Variants in RNF157 observed in about 807,000 individuals in gnomAD.
RNF157 encodes E3 ubiquitin ligase RNF157.
Under a neutral mutation model 88.3 loss-of-function variants are expected in RNF157, and 55 were observed. The observed-to-expected ratio is 0.62, with a 90% CI of 0.50 to 0.78. The LOEUF (loss-of-function observed/expected upper bound fraction) is 0.78. Ranked by LOEUF, RNF157 falls within the 30% of genes least tolerant of loss-of-function variation. The pLI, the probability that RNF157 is intolerant of heterozygous loss-of-function variation, is 0.00. For missense variants in RNF157, 788 were observed against 860.8 expected (o/e 0.92, Z 1.06); for synonymous variants, 334 against 341.2 (o/e 0.98, Z 0.23).
At chr17:76,179,267 A>G (rs1054425710) in intron 2 of RNF157, among the ~76,000 whole-genome samples, 1 of 151,856 alleles carries the variant, frequency 6.6e-6, no homozygotes, top group Non-Finnish European at 1.5e-5. Flanking sequence ...GGTGGCACAC[A>G]CCTGTAGTCC....
intron 1 of RNF157, among the ~76,000 whole-genome samples, chr17:76,224,941 G>A (rs965545339): frequency 1.3e-5 from 2 of 152,126 alleles, no homozygotes; most frequent in Admixed American, 6.6e-5. Context: ...GGAGGCCAAG[G>A]TGGGCAGATC....
Position 76,166,392 on chromosome 17 carries a change from C to G in RNF157, c.628+69G>C, listed in dbSNP as rs552508367. On this transcript the variant is annotated intron_variant, in intron 6 of 18. Coordinates refer to ENST00000269391, the MANE Select transcript of RNF157 (RefSeq NM_052916.3). Reference sequence around the variant, plus strand: ...AAGAAGGCATGTTGTTCTGGGGCCACAGCTGCTGCCAGGAATATGCCACAA... The same window carrying G: ...AAGAAGGCATGTTGTTCTGGGGCCAGAGCTGCTGCCAGGAATATGCCACAA... 4.6e-6 allele frequency: 6 copies of G among 1,315,886 alleles called. No individual in the cohort carries two copies. The East Asian group carries it at 9.2e-5, about 20-fold the overall frequency. 81.5% of individuals were successfully genotyped at this position (1,315,886 alleles called of 1,614,324 possible).
At chr17:76,159,906 A>G (rs2068822747) in intron 11 of RNF157, among the ~76,000 whole-genome samples, 1 of 151,764 alleles carries the variant, frequency 6.6e-6, no homozygotes, top group Non-Finnish European at 1.5e-5. Context: ...TCTTCTTCCC[A>G]TTTTTTTTCT....
In RNF157 at chr17:76,160,494, T is replaced by C. The variant is rs1027045406; in HGVS notation, c.1066-921A>G. ...AAGAAAAGTTTTTAAAATTTGAAAG[T>C]TGGAAAATGGTATTCTCATATTTGC... On this transcript the variant is annotated intron_variant, in intron 11 of 18. Coordinates refer to ENST00000269391, the MANE Select transcript of RNF157 (RefSeq NM_052916.3). This position sits in a 1 kb window ranked among gnomAD's most constrained non-coding sequence, Gnocchi z 4.3. Among the ~76,000 whole-genome samples the C allele has an allele frequency of 2.0e-5, 3 of 152,172 alleles. No individual in the cohort carries two copies. Among genetic ancestry groups the C allele is most frequent in the Non-Finnish European group, 2.9e-5 (2 of 68,026 alleles).
intron 1 of RNF157, among the ~76,000 whole-genome samples, chr17:76,223,083 G>A (rs2070015540): frequency 6.6e-6 from 1 of 151,928 alleles, no homozygotes; most frequent in Non-Finnish European, 1.5e-5. Flanking sequence ...GTAGAGACGG[G>A]GTTTCACCGT....
In RNF157 at chr17:76,238,085, CAAA is replaced by C. The variant is rs555165221; in HGVS notation, c.88+2065_88+2067del. On this transcript the variant is annotated intron_variant, in intron 1 of 18. Transcript: ENST00000269391. ...GGCGTGACAGAGAGAGACGATGACTCAAAAAAAAAAAAAAAAAATTAAACATTA... is the reference window on the plus strand; with the variant it reads ...GGCGTGACAGAGAGAGACGATGACTCAAAAAAAAAAAAAAATTAAACATTA... 1.1e-4 allele frequency among the ~76,000 whole-genome samples: 10 copies of C among 93,708 alleles called. No homozygotes were observed. The East Asian group carries it at 1.5e-3, about 14-fold the overall frequency. The allele number at this position is 93,708 out of a possible 152,430, so 61.5% of individuals were successfully genotyped here.
In RNF157 at chr17:76,173,793, G is replaced by GT; in HGVS notation, c.208-4dup. 4 of 1,605,878 alleles carry GT rather than the reference G, an allele frequency of 2.5e-6. No homozygotes were observed. Among genetic ancestry groups the GT allele is most frequent in the Non-Finnish European group, 3.4e-6 (4 of 1,175,104 alleles). ...GGAGGTGGGGCGGCGTAAGGAAACTGTGTCAGAAACAAAGCAGGAGAAGGT... is the reference window on the plus strand; with the variant it reads ...GGAGGTGGGGCGGCGTAAGGAAACTGTTGTCAGAAACAAAGCAGGAGAAGGT... On this transcript the variant is annotated splice_region_variant and splice_polypyrimidine_tract_variant and intron_variant, in intron 2 of 18. Transcript: ENST00000269391.
At chr17:76,156,383 A>T in intron 13 of RNF157, 62 bp from the exon 14 acceptor site, 1 of 1,609,676 alleles carries the variant, frequency 6.2e-7, no homozygotes, top group Non-Finnish European at 8.5e-7. Context: ...GTGCTGGAGG[A>T]AGGGGTCAGG....
rs961111110 is a variant in RNF157 at position 76,161,738 on chromosome 17, C to A, written c.953-91G>T. On this transcript the variant is annotated intron_variant, in intron 10 of 18. Coordinates refer to ENST00000269391, the MANE Select transcript of RNF157 (RefSeq NM_052916.3). The surrounding 1 kb of genome is among the most constrained non-coding windows in gnomAD (Gnocchi z 4.6). ...ACAGAAACCATGATCCCTCCCAGCG[C>A]GCATCCGTTTGTCAGATCCAGCAGC... 3.2e-5 allele frequency: 48 copies of A among 1,522,770 alleles called. No homozygotes were observed. Among genetic ancestry groups the A allele is most frequent in the Admixed American group, 1.9e-4 (11 of 56,766 alleles). 94.3% of individuals were successfully genotyped at this position (1,522,770 alleles called of 1,614,324 possible).
At chr17:76,194,189 C>A (rs2069434322) in intron 2 of RNF157, among the ~76,000 whole-genome samples, 1 of 152,134 alleles carries the variant, frequency 6.6e-6, no homozygotes, top group African/African-American at 2.4e-5. Flanking sequence ...AGAACATTTC[C>A]ATTACCCCCA....
rs762488130 is a variant in RNF157, at chr17:76,145,241, A to C, written c.2034T>G (p.Ala678=). ...CAAGTGCAGAGGCTGGGGCTCAGACAGCCAAAGGGCCCCACACACAGGGCC... is the reference window on the plus strand; with the variant it reads ...CAAGTGCAGAGGCTGGGGCTCAGACCGCCAAAGGGCCCCACACACAGGGCC... ...ETRPCVWGPL[A]V is the part of the protein sequence containing the mutation. Residue 678 remains alanine (A), a synonymous_variant, in exon 19 of 19, where the codon GCT becomes GCG. Transcript: ENST00000269391. The C allele has an allele frequency of 2.5e-6, 4 of 1,601,990 alleles. No individual in the cohort carries two copies. The highest frequency in any genetic ancestry group is 3.4e-6 in the Non-Finnish European group (4 of 1,173,264).
At chr17:76,213,443 G>A (rs2069835984) in intron 1 of RNF157, among the ~76,000 whole-genome samples, 1 of 151,850 alleles carries the variant, frequency 6.6e-6, no homozygotes, top group East Asian at 1.9e-4. Context: ...GGTGGCATGC[G>A]CCTGAAGTCC....
intron 18 of RNF157, among the ~76,000 whole-genome samples, chr17:76,150,327 A>C (rs1452098899): frequency 2.0e-5 from 3 of 152,198 alleles, no homozygotes; most frequent in African/African-American, 7.2e-5. Context: ...TGGCTCCACA[A>C]GTCACCCTAG....
At chr17:76,194,789 G>A (rs1161214465) in intron 2 of RNF157, among the ~76,000 whole-genome samples, 1 of 152,186 alleles carries the variant, frequency 6.6e-6, no homozygotes, top group East Asian at 1.9e-4. Flanking sequence ...GCCAAGGTGG[G>A]CAGATCACGA....
intron 2 of RNF157, among the ~76,000 whole-genome samples, chr17:76,191,130 T>C (rs934247945): frequency 6.6e-6 from 1 of 152,128 alleles, no homozygotes; most frequent in African/African-American, 2.4e-5. Flanking sequence ...AAGGACTACA[T>C]TCTATTCTAT....
At chr17:76,209,406 C>T (rs1239262952) in intron 2 of RNF157, among the ~76,000 whole-genome samples, 1 of 152,190 alleles carries the variant, frequency 6.6e-6, no homozygotes, top group Non-Finnish European at 1.5e-5. Context: ...CAACCTGCGG[C>T]CCAGGGGTAG....
At chr17:76,213,960 T>C (rs2069846056) in intron 1 of RNF157, among the ~76,000 whole-genome samples, 1 of 152,132 alleles carries the variant, frequency 6.6e-6, no homozygotes, top group South Asian at 2.1e-4. Context: ...GCCCTATGTA[T>C]CTCTCTCTGT....
chr17:76,219,463 A>AT (rs1252293469), intron 1 of RNF157, among the ~76,000 whole-genome samples: 2 of 152,010 alleles, frequency 1.3e-5, no homozygotes, highest in Non-Finnish European at 2.9e-5. Context: ...ATATTAATTA[A>AT]TATTTTTAAA....
intron 17 of RNF157, chr17:76,153,886 C>T (rs572474749): frequency 2.1e-4 from 38 of 179,018 alleles, no homozygotes; most frequent in African/African-American, 8.6e-4. Flanking sequence ...CCTCCCCCTC[C>T]CCCCAGTGGA....
Sources: allele counts gnomAD v4.1 joint callset (sites outside exome capture counted in the v4.1 genomes callset), GRCh38; gene constraint gnomAD v4.1.1; non-coding constraint Gnocchi (gnomAD v3.1); transcripts MANE v1.5; gene names NCBI Gene and HGNC (gene_info 2026-07-23, HGNC 2026-07-21).